The following PAPPA variants were observed in gnomAD, a reference collection of about 807,000 sequenced individuals.
PAPPA encodes pappalysin 1, also known as pappalysin-1.
Under a neutral mutation model 164.0 loss-of-function variants are expected in PAPPA, and 60 were observed. That is an observed-to-expected ratio of 0.37 (90% CI 0.30 to 0.45). The LOEUF is 0.45. Ranked by LOEUF, PAPPA falls within the 20% of genes least tolerant of loss-of-function variation. The probability of loss-of-function intolerance (pLI) is 1.00; values close to 1 mark genes in which losing one functional copy is unlikely to be tolerated. For synonymous variants in PAPPA, 875 were observed against 814.1 expected (o/e 1.07, Z -1.27); for missense variants, 1,782 against 2,087.3 (o/e 0.85, Z 2.85).
chr9:116,172,356 G>C (rs564852113), intron 1 of PAPPA, among the ~76,000 whole-genome samples: 1 of 151,956 alleles, frequency 6.6e-6, no homozygotes, highest in Non-Finnish European at 1.5e-5. Flanking sequence ...ACTTTCCCTC[G>C]TTGCTTCCAC....
chr9:116,280,679 C>A (rs1270335990), intron 9 of PAPPA, among the ~76,000 whole-genome samples: 1 of 152,204 alleles, frequency 6.6e-6, no homozygotes, highest in Admixed American at 6.5e-5. Context: ...CAAGCCCTGC[C>A]CTGGGCATAA....
intron 8 of PAPPA, among the ~76,000 whole-genome samples, chr9:116,267,515 G>C (rs1471899570): frequency 6.6e-6 from 1 of 152,154 alleles, no homozygotes; most frequent in East Asian, 1.9e-4. Context: ...GTTCCTCTTT[G>C]CTCCCCACTC....
chr9:116,219,595 T>C (rs527577995), intron 4 of PAPPA, among the ~76,000 whole-genome samples: 38 of 152,198 alleles, frequency 2.5e-4, no homozygotes, highest in African/African-American at 8.7e-4. Context: ...GTTGACTTAG[T>C]GCCCAGTGGA....
chr9:116,382,619 TTTC>T (rs1397256633), intron 21 of PAPPA, 126 bp downstream of exon 21: 1 of 624,746 alleles, frequency 1.6e-6, no homozygotes, highest in Non-Finnish European at 2.9e-6. Context: ...ACACGCTTTA[TTTC>T]TTTTTTTAAT....
intron 17 of PAPPA, 34 bp from the exon 18 acceptor site, chr9:116,362,558 C>G: frequency 6.2e-7 from 1 of 1,601,828 alleles, no homozygotes; most frequent in Non-Finnish European, 8.5e-7. Context: ...GCTGGTGTCT[C>G]TCTTGGTCCT....
chr9:116,269,083 G>A (rs1398332248), intron 8 of PAPPA, among the ~76,000 whole-genome samples: 3 of 152,102 alleles, frequency 2.0e-5, no homozygotes, highest in Non-Finnish European at 2.9e-5. Context: ...ATGGATGAAC[G>A]TTTTGATAAT....
intron 19 of PAPPA, among the ~76,000 whole-genome samples, chr9:116,374,082 GTGA>G (rs1361959237): frequency 6.6e-6 from 1 of 151,954 alleles, no homozygotes; most frequent in Non-Finnish European, 1.5e-5. Flanking sequence ...TTTCATGCTG[GTGA>G]TGATGGTGGT....
intron 4 of PAPPA, among the ~76,000 whole-genome samples, chr9:116,217,903 C>T (rs1844395756): frequency 6.6e-6 from 1 of 152,308 alleles, no homozygotes; most frequent in Non-Finnish European, 1.5e-5. Context: ...CTTCCCTTAG[C>T]CATCATGCCC....
intron 2 of PAPPA, among the ~76,000 whole-genome samples, chr9:116,204,429 T>A (rs1433215522): frequency 3.3e-5 from 5 of 152,170 alleles, no homozygotes; most frequent in East Asian, 1.9e-4. Flanking sequence ...TGGTTTTGTT[T>A]TAAGAGATGG....
chr9:116,287,082 A>G (rs1587987757), intron 9 of PAPPA: 2 of 152,344 alleles, frequency 1.3e-5, no homozygotes, highest in East Asian at 3.9e-4. Flanking sequence ...TTCAAAATAG[A>G]TTAACTGGAC....
Position 116,154,159 on chromosome 9 carries a change from G to GCCCA in PAPPA, c.-14_-13insCCCA. 6.9e-7 allele frequency: 1 copy of GCCCA among 1,442,804 alleles called. No homozygotes were observed. The highest frequency in any genetic ancestry group is 9.2e-7 in the Non-Finnish European group (1 of 1,089,956). The allele number at this position is 1,442,804 out of a possible 1,614,324, so 89.4% of individuals were successfully genotyped here. A position where few individuals can be genotyped will look rare whatever the true frequency, so the allele number is the denominator to read the frequency against. ...GGTGCAGGGGCGAAGGGGGGGCGGG[G>GCCCA]GGAACCGTCGGACATGCGGCTCTGG... On this transcript the variant is annotated 5_prime_UTR_variant, in exon 1 of 22. Transcript: ENST00000328252. The surrounding 1 kb of genome is among the most constrained non-coding windows in gnomAD (Gnocchi z 5.2).
In PAPPA at chr9:116,314,060, C is replaced by CTTTTTT. The variant is rs57871796; in HGVS notation, c.3147+11135_3147+11140dup. Among the ~76,000 whole-genome samples, 49 of 69,722 alleles carry CTTTTTT rather than the reference C, an allele frequency of 7.0e-4. 4 individuals carry two copies. The highest frequency in any genetic ancestry group is 9.3e-4 in the Non-Finnish European group (31 of 33,460). 45.7% of individuals were successfully genotyped at this position (69,722 alleles called of 152,430 possible). ...ATTCAGTTCTGTCATTGCATCGAAT[C>CTTTTTT]TTTTTTTTTTTTTTTTTTTTTTTTT... is the stretch of plus-strand genomic sequence containing the variant. On this transcript the variant is annotated intron_variant, in intron 10 of 21. Transcript: ENST00000328252.
At chr9:116,247,542 G>C (rs548284718) in intron 7 of PAPPA, among the ~76,000 whole-genome samples, 1 of 152,310 alleles carries the variant, frequency 6.6e-6, no homozygotes, top group South Asian at 2.1e-4. Context: ...CACTCTGGGG[G>C]TAGGTAGGAT....
chr9:116,364,742 T>C (rs1187200513), intron 18 of PAPPA, among the ~76,000 whole-genome samples: 1 of 152,024 alleles, frequency 6.6e-6, no homozygotes, highest in East Asian at 1.9e-4. Flanking sequence ...CTTCTCTCCA[T>C]CAGAACAGTG....
At chr9:116,385,023 T>A (rs1564251449) in intron 21 of PAPPA, among the ~76,000 whole-genome samples, 1 of 152,048 alleles carries the variant, frequency 6.6e-6, no homozygotes, top group East Asian at 1.9e-4. Flanking sequence ...TGTGGGAATA[T>A]GAAGTCATGA....
chr9:116,305,305 T>A (rs1453806581), intron 10 of PAPPA, among the ~76,000 whole-genome samples: 1 of 152,114 alleles, frequency 6.6e-6, no homozygotes, highest in Non-Finnish European at 1.5e-5. Flanking sequence ...AAGAGATTGG[T>A]AGTTAATTTT....
chr9:116,156,409 T>G (rs1843606174), intron 1 of PAPPA, among the ~76,000 whole-genome samples: 1 of 149,490 alleles, frequency 6.7e-6, no homozygotes, highest in East Asian at 2.0e-4. Flanking sequence ...TGTCTATAAT[T>G]CAGACAAGGA....
At position 116,396,622 on chromosome 9, in the gene PAPPA, G is replaced by A; in HGVS notation, c.*6G>A. ...GGGGATACAGCCATGGCTAAGGAAG[G>A]ACAAGAAGTTGTCAAAGAATTCCCA... On this transcript the variant is annotated 3_prime_UTR_variant, in exon 22 of 22. Transcript: ENST00000328252. The A allele has an allele frequency of 1.3e-6, 1 of 779,688 alleles. No homozygotes were observed. Among genetic ancestry groups the A allele is most frequent in the Non-Finnish European group, 2.4e-6 (1 of 417,534 alleles). 48.3% of individuals were successfully genotyped at this position (779,688 alleles called of 1,614,324 possible).
At chr9:116,183,691 G>A (rs1013041599) in intron 1 of PAPPA, among the ~76,000 whole-genome samples, 4 of 152,150 alleles carry the variant, frequency 2.6e-5, no homozygotes, top group Non-Finnish European at 4.4e-5. Flanking sequence ...TTGTGAAGCC[G>A]CTGCTTCAAG....
Sources: allele counts gnomAD v4.1 joint callset (sites outside exome capture counted in the v4.1 genomes callset), GRCh38; gene constraint gnomAD v4.1.1; non-coding constraint Gnocchi (gnomAD v3.1); transcripts MANE v1.5; gene names NCBI Gene and HGNC (gene_info 2026-07-23, HGNC 2026-07-21).